Variants in KANK1 observed in about 807,000 individuals in gnomAD.
KANK1 encodes the protein KN motif and ankyrin repeat domain-containing protein 1.
A neutral mutation model predicts 106.2 loss-of-function variants in KANK1; 109 were observed. The ratio of observed to expected loss-of-function variants is 1.03; its 90% CI spans 0.88 to 1.20. The LOEUF (loss-of-function observed/expected upper bound fraction) is 1.20. Among genes scored for constraint, KANK1 ranks in the 50% most tolerant of loss-of-function variants. The pLI, the probability that KANK1 is intolerant of heterozygous loss-of-function variation, is 0.00. For synonymous variants in KANK1, 873 were observed against 652.2 expected (o/e 1.34, Z -5.16); for missense variants, 2,399 against 1,710.7 (o/e 1.40, Z -7.10).
intron 1 of KANK1, among the ~76,000 whole-genome samples, chr9:650,294 C>G (rs1466755536): frequency 6.6e-6 from 1 of 152,132 alleles, no homozygotes; most frequent in East Asian, 1.9e-4. Context: ...TTATTTAATT[C>G]TTGCAAAGTG....
intron 1 of KANK1, chr9:673,978 G>T (rs1815836641): frequency 6.6e-6 from 1 of 151,870 alleles, no homozygotes; most frequent in African/African-American, 2.4e-5. Flanking sequence ...CCCTTCATTT[G>T]CCCCTCCCTC....
At chr9:670,027 A>G (rs916321903) in intron 1 of KANK1, among the ~76,000 whole-genome samples, 3 of 151,998 alleles carry the variant, frequency 2.0e-5, no homozygotes, top group Non-Finnish European at 4.4e-5. Flanking sequence ...GCCTCCAATA[A>G]ATTTTTCAGT....
At chr9:638,954 T>C (rs1588476074) in intron 1 of KANK1, among the ~76,000 whole-genome samples, 1 of 152,200 alleles carries the variant, frequency 6.6e-6, no homozygotes, top group Non-Finnish European at 1.5e-5. Flanking sequence ...ACTGTACTTA[T>C]TTTTGTGTAT....
At chr9:715,897 G>A (rs560930713) in intron 3 of KANK1, among the ~76,000 whole-genome samples, 1 of 152,320 alleles carries the variant, frequency 6.6e-6, no homozygotes, top group South Asian at 2.1e-4. Context: ...ACTTGATATA[G>A]TAAAGTGGAG....
upstream of KANK1, among the ~76,000 whole-genome samples, chr9:503,169 C>T (rs1313137200): frequency 6.6e-6 from 1 of 152,078 alleles, no homozygotes; most frequent in African/African-American, 2.4e-5. Context: ...AGGAGTCTTC[C>T]TGCCTCTGAT....
chr9:627,909 G>C (rs1834736401), intron 1 of KANK1, among the ~76,000 whole-genome samples: 1 of 151,980 alleles, frequency 6.6e-6, no homozygotes, highest in South Asian at 2.1e-4. Flanking sequence ...ATTTACTAAG[G>C]GCTTGATTTA....
chr9:581,885 A>G (rs1822248118), intron 1 of KANK1, among the ~76,000 whole-genome samples: 1 of 152,162 alleles, frequency 6.6e-6, no homozygotes, highest in African/African-American at 2.4e-5. Flanking sequence ...GGGTGCAGCC[A>G]GAGTGCAGGT....
chr9:540,787 G>A (rs1283853078), intron 1 of KANK1: 2 of 152,030 alleles, frequency 1.3e-5, no homozygotes, highest in Admixed American at 1.3e-4. Context: ...TTTGTTCTAG[G>A]TTATCTAATT....
In KANK1 at chr9:742,191, A is replaced by G. The variant is rs772725475; in HGVS notation, c.3697-14A>G. 9.9e-6 allele frequency: 16 copies of G among 1,613,192 alleles called. No homozygotes were observed. The highest frequency in any genetic ancestry group is 8.5e-7 in the Non-Finnish European group (1 of 1,179,436). On this transcript the variant is annotated splice_polypyrimidine_tract_variant and intron_variant, in intron 9 of 11. Transcript: ENST00000382297. ...AGTACGTACTTCTGAAGTCCTTGTC[A>G]TCTCTTCCCATAGGCGGGACAGACG... is the stretch of plus-strand genomic sequence containing the variant.
rs146637688 is a variant in KANK1, at chr9:634,296, T to C, written c.-83-42594T>C. Among the ~76,000 whole-genome samples, 242 of 152,210 alleles carry C rather than the reference T, an allele frequency of 1.6e-3. 2 individuals carry two copies. Among genetic ancestry groups the C allele is most frequent in the African/African-American group, 5.4e-3 (226 of 41,516 alleles). ...GATGAAATCATAGGGATGTGCAAAA[T>C]GGTCTAATCCTGTGCCACCTCACCT... is the stretch of plus-strand genomic sequence containing the variant. On this transcript the variant is annotated intron_variant, in intron 1 of 11. Transcript: ENST00000382297.
chr9:543,919 T>G (rs2060769588), intron 1 of KANK1, among the ~76,000 whole-genome samples: 1 of 152,218 alleles, frequency 6.6e-6, no homozygotes, highest in South Asian at 2.1e-4. Flanking sequence ...ATCCTGATAA[T>G]TTCTCAGTTT....
intron 2 of KANK1, among the ~76,000 whole-genome samples, chr9:699,512 A>G (rs564727330): frequency 6.6e-6 from 1 of 152,300 alleles, no homozygotes; most frequent in South Asian, 2.1e-4. Context: ...AATGTCTGTT[A>G]AAAAAGTCCA....
chr9:538,252 G>T (rs1338561508), intron 1 of KANK1, among the ~76,000 whole-genome samples: 2 of 152,168 alleles, frequency 1.3e-5, no homozygotes, highest in African/African-American at 4.8e-5. Context: ...GCAAAAAATG[G>T]GGATGTAGTA....
chr9:685,101 C>G (rs1196496948), intron 2 of KANK1, among the ~76,000 whole-genome samples: 1 of 152,192 alleles, frequency 6.6e-6, no homozygotes, highest in Non-Finnish European at 1.5e-5. Flanking sequence ...AACTGAGTTA[C>G]TCATTTCCAC....
chr9:540,128 G>C (rs2060516422), intron 1 of KANK1, among the ~76,000 whole-genome samples: 3 of 152,184 alleles, frequency 2.0e-5, no homozygotes, highest in Non-Finnish European at 2.9e-5. Flanking sequence ...TAGAGGAAAG[G>C]CTTTCAGCTT....
chr9:625,585 G>GAA (rs149343773), intron 1 of KANK1, among the ~76,000 whole-genome samples: 1 of 147,138 alleles, frequency 6.8e-6, no homozygotes, highest in African/African-American at 2.5e-5. Context: ...GGAGTATCTG[G>GAA]AAAAAAAAAA....
intron 1 of KANK1, among the ~76,000 whole-genome samples, chr9:659,705 G>C (rs2137997859): frequency 6.6e-6 from 1 of 152,048 alleles, no homozygotes; most frequent in Admixed American, 6.6e-5. Flanking sequence ...AGAAAAAGAG[G>C]GAAGAAGGTA....
At chr9:473,342 T>G (rs1170826124) in intron 3 of KANK1, 2 of 152,224 alleles carry the variant, frequency 1.3e-5, no homozygotes, top group African/African-American at 4.8e-5. Context: ...CCAAGGAAAG[T>G]GCACACAGCT....
intron 1 of KANK1, among the ~76,000 whole-genome samples, chr9:584,448 T>G (rs1490129037): frequency 6.6e-6 from 1 of 152,192 alleles, no homozygotes; most frequent in Non-Finnish European, 1.5e-5. Flanking sequence ...GGAAGAAAAA[T>G]TATTTTTTAA....
Sources: allele counts gnomAD v4.1 joint callset (sites outside exome capture counted in the v4.1 genomes callset), GRCh38; gene constraint gnomAD v4.1.1; transcripts MANE v1.5; gene names NCBI Gene and HGNC (gene_info 2026-07-23, HGNC 2026-07-21).